The following ABCA10 variants were observed in gnomAD, a reference collection of about 807,000 sequenced individuals.
The protein encoded by ABCA10 is ATP binding cassette subfamily A member 10, also known as ATP-binding cassette sub-family A member 10.
A neutral mutation model predicts 187.5 loss-of-function variants in ABCA10; 169 were observed. The observed-to-expected ratio is 0.90, with a 90% confidence interval of 0.80 to 1.02. The LOEUF (loss-of-function observed/expected upper bound fraction) is 1.02. Among genes scored for constraint, ABCA10 ranks in the 50% least tolerant of loss-of-function variants. ABCA10 has a pLI of 0.00. For synonymous variants in ABCA10, 574 were observed against 601.8 expected, an observed-to-expected ratio of 0.95 and a Z score of 0.68; for missense variants, 1,727 against 1,812.4, an observed-to-expected ratio of 0.95 and a Z score of 0.86.
intron 32 of ABCA10, 132 bp downstream of exon 32, chr17:69,153,699 T>C (rs2074148885): frequency 1.4e-6 from 2 of 1,441,158 alleles, no homozygotes; most frequent in Admixed American, 2.2e-5. Context: ...TTGGTTCTTA[T>C]TCAGGTATTT....
At chr17:69,180,763 AT>A (rs1210535856) in intron 22 of ABCA10, among the ~76,000 whole-genome samples, 1 of 152,188 alleles carries the variant, frequency 6.6e-6, no homozygotes, top group Admixed American at 6.5e-5. Flanking sequence ...ACCCTATCTC[AT>A]TCGCAGAAAA....
intron 25 of ABCA10, among the ~76,000 whole-genome samples, chr17:69,167,376 T>TTGGAGA (rs1191447482): frequency 6.6e-6 from 1 of 152,146 alleles, no homozygotes; most frequent in African/African-American, 2.4e-5. Context: ...GATTCCACCA[T>TTGGAGA]TGGAGATGCC....
intron 6 of ABCA10, among the ~76,000 whole-genome samples, chr17:69,219,278 C>T (rs2074727875): frequency 6.6e-6 from 1 of 152,134 alleles, no homozygotes; most frequent in South Asian, 2.1e-4. Context: ...TAAATAATTG[C>T]TGCTTGAGGT....
intron 9 of ABCA10, among the ~76,000 whole-genome samples, chr17:69,211,510 G>A (rs1358068150): frequency 6.6e-6 from 1 of 151,362 alleles, no homozygotes; most frequent in Non-Finnish European, 1.5e-5. Flanking sequence ...ATTTAGGGAG[G>A]ATTCCCTCTT....
chr17:69,240,153 A>G (rs1181815653), intron 1 of ABCA10, among the ~76,000 whole-genome samples: 1 of 152,210 alleles, frequency 6.6e-6, no homozygotes, highest in Non-Finnish European at 1.5e-5. Context: ...CTTAAAATCC[A>G]GTCCCATGCA....
At chr17:69,218,892 C>T (rs369201107) in intron 6 of ABCA10, among the ~76,000 whole-genome samples, 71 of 152,244 alleles carry the variant, frequency 4.7e-4, no homozygotes, top group African/African-American at 1.6e-3. Flanking sequence ...TTTTCTGCTC[C>T]TCACTGTTAT....
At position 69,148,791 on chromosome 17, in the gene ABCA10, T is replaced by C; in HGVS notation, c.*36A>G. On this transcript the variant is annotated 3_prime_UTR_variant, in exon 39 of 39. Coordinates refer to ENST00000690296, the MANE Select transcript of ABCA10 (RefSeq NM_001377321.1). ...AGAATTATGGAAACTAACAATGTAGTAGGACCTAAAATTGAATGTTAGGAG... is the reference window on the plus strand; with the variant it reads ...AGAATTATGGAAACTAACAATGTAGCAGGACCTAAAATTGAATGTTAGGAG... The C allele has an allele frequency of 6.6e-7, 1 of 1,511,448 alleles. No individual in the cohort carries two copies. The highest frequency in any genetic ancestry group is 9.2e-7 in the Non-Finnish European group (1 of 1,091,714). 93.6% of individuals were successfully genotyped at this position (1,511,448 alleles called of 1,614,324 possible).
At chr17:69,202,889 G>A (rs1057335095) in intron 9 of ABCA10, among the ~76,000 whole-genome samples, 1 of 152,146 alleles carries the variant, frequency 6.6e-6, no homozygotes, top group South Asian at 2.1e-4. Context: ...GTGGTAAGAG[G>A]AGGAAATTTA....
At chr17:69,203,996 T>C (rs1271543865) in intron 9 of ABCA10, among the ~76,000 whole-genome samples, 1 of 152,234 alleles carries the variant, frequency 6.6e-6, no homozygotes. Flanking sequence ...TCACAGATCA[T>C]CACCAATACT....
At chr17:69,225,651 AT>A (rs2074788079) in intron 2 of ABCA10, 122 bp from the exon 3 acceptor site, 10 of 343,736 alleles carry the variant, frequency 2.9e-5, no homozygotes, top group Admixed American at 4.7e-5. Flanking sequence ...TCAGTCTGTA[AT>A]TTTTTTCTGC....
At chr17:69,155,709 C>A in intron 29 of ABCA10, 96 bp downstream of exon 29, 1 of 1,421,764 alleles carries the variant, frequency 7.0e-7, no homozygotes, top group East Asian at 2.4e-5. Flanking sequence ...ATTAAAGAAA[C>A]TAAAGCAGCT....
chr17:69,183,854 A>C (rs536903979), intron 20 of ABCA10, among the ~76,000 whole-genome samples: 3 of 152,252 alleles, frequency 2.0e-5, no homozygotes, highest in African/African-American at 7.2e-5. Flanking sequence ...AGTTTCCTGG[A>C]CAGAATCTTG....
intron 9 of ABCA10, among the ~76,000 whole-genome samples, chr17:69,210,527 CT>C (rs1160367719): frequency 4.6e-5 from 7 of 152,002 alleles, no homozygotes; most frequent in African/African-American, 1.7e-4. Flanking sequence ...TACACATCAC[CT>C]GAGCAGTATA....
chr17:69,157,346 G>A (rs910806092), intron 27 of ABCA10, among the ~76,000 whole-genome samples: 1 of 152,156 alleles, frequency 6.6e-6, no homozygotes, highest in African/African-American at 2.4e-5. Flanking sequence ...TGTTGAAGCA[G>A]AGAGTCTTCC....
chr17:69,185,342 C>A, intron 20 of ABCA10, 135 bp downstream of exon 20: 4 of 767,574 alleles, frequency 5.2e-6, no homozygotes, highest in South Asian at 4.0e-5. Context: ...GAAAATTAAC[C>A]CATCAGTTTC....
At chr17:69,157,324 G>A (rs1159746540) in intron 27 of ABCA10, among the ~76,000 whole-genome samples, 7 of 152,154 alleles carry the variant, frequency 4.6e-5, no homozygotes, top group Non-Finnish European at 1.0e-4. Context: ...AGGAGCAGAA[G>A]ACAGAAGAAA....
chr17:69,229,241 A>G (rs1030591008), upstream of ABCA10, among the ~76,000 whole-genome samples: 3 of 152,032 alleles, frequency 2.0e-5, no homozygotes, highest in Admixed American at 1.3e-4. Flanking sequence ...AACAAATTTG[A>G]AAGGTGGGGC....
At chr17:69,242,605 C>T (rs145974790) in intron 1 of ABCA10, among the ~76,000 whole-genome samples, 33 of 152,266 alleles carry the variant, frequency 2.2e-4, no homozygotes, top group African/African-American at 7.7e-4. Context: ...ACTGGGATTA[C>T]AGGCACGTGC....
chr17:69,151,707 T>C (rs2074129253), intron 36 of ABCA10, among the ~76,000 whole-genome samples: 1 of 152,202 alleles, frequency 6.6e-6, no homozygotes, highest in African/African-American at 2.4e-5. Flanking sequence ...ATCCTGTAGG[T>C]GAAAGCATTG....
Sources: gnomAD v4.1 joint callset for allele counts (sites outside exome capture counted in the v4.1 genomes callset) on GRCh38, gnomAD v4.1.1 for gene constraint, MANE v1.5 for transcripts, NCBI Gene and HGNC (gene_info 2026-07-23, HGNC 2026-07-21) for gene names.